Variants in IL1RAPL2 observed in about 807,000 individuals in gnomAD.
IL1RAPL2 encodes interleukin 1 receptor accessory protein like 2.
A neutral mutation model predicts 44.1 loss-of-function variants in IL1RAPL2; 3 were observed. That is an observed-to-expected ratio of 0.07 (90% CI 0.03 to 0.18). The LOEUF is 0.18. Ranked by LOEUF, IL1RAPL2 falls within the 10% of genes least tolerant of loss-of-function variation. The probability of loss-of-function intolerance (pLI) is 1.00; values close to 1 mark genes in which losing one functional copy is unlikely to be tolerated. For missense variants in IL1RAPL2, 391 were observed against 496.4 expected (o/e 0.79, Z 2.02); for synonymous variants, 181 against 178.8 (o/e 1.01, Z -0.10).
At chrX:104,801,084 T>A (rs774336706) in intron 2 of IL1RAPL2, among the ~76,000 whole-genome samples, 1 of 112,569 alleles carries the variant, frequency 8.9e-6, no homozygotes, top group East Asian at 2.8e-4. Flanking sequence ...GATAGCAGAG[T>A]GTGTCTTCCT....
intron 2 of IL1RAPL2, among the ~76,000 whole-genome samples, chrX:104,946,960 T>C (rs1296975214): frequency 1.0e-5 from 1 of 96,346 alleles, no homozygotes; most frequent in Non-Finnish European, 2.1e-5. Flanking sequence ...CAAATGGTAT[T>C]TCTAGTTCTA....
intron 2 of IL1RAPL2, among the ~76,000 whole-genome samples, chrX:105,138,201 C>A (rs1315479240): frequency 9.0e-6 from 1 of 111,625 alleles, no homozygotes; most frequent in Non-Finnish European, 1.9e-5. Context: ...AGTATTAAGT[C>A]TCCCTTTGCA....
At chrX:105,408,475 G>C (rs1466233661) in intron 5 of IL1RAPL2, among the ~76,000 whole-genome samples, 1 of 110,262 alleles carries the variant, frequency 9.1e-6, no homozygotes, top group Non-Finnish European at 1.9e-5. Context: ...CATATCTTTA[G>C]TATTTACGTA....
At chrX:104,815,600 A>G (rs1921111086) in intron 2 of IL1RAPL2, among the ~76,000 whole-genome samples, 1 of 111,984 alleles carries the variant, frequency 8.9e-6, no homozygotes, top group South Asian at 3.7e-4. Context: ...AAATAATTTT[A>G]TGTTTTTTAA....
chrX:105,441,068 A>G (rs1040214679), intron 5 of IL1RAPL2, among the ~76,000 whole-genome samples: 7 of 111,733 alleles, frequency 6.3e-5, no homozygotes, highest in Admixed American at 3.8e-4. Context: ...TATTAGCGGC[A>G]TGAGAACAGA....
intron 2 of IL1RAPL2, among the ~76,000 whole-genome samples, chrX:104,963,874 A>G (rs1366846678): frequency 9.0e-6 from 1 of 110,763 alleles, no homozygotes; most frequent in Non-Finnish European, 1.9e-5. Flanking sequence ...GCAAGTACAT[A>G]GGATTCATTT....
intron 2 of IL1RAPL2, among the ~76,000 whole-genome samples, chrX:105,041,934 T>C (rs752647283): frequency 3.6e-5 from 4 of 110,663 alleles, no homozygotes; most frequent in Admixed American, 1.9e-4. Context: ...ATATCTACAA[T>C]TATCTGATCT....
intron 2 of IL1RAPL2, among the ~76,000 whole-genome samples, chrX:104,730,367 T>TC (rs199795627): frequency 0.11 from 6,863 of 63,313 alleles, 384 homozygotes; most frequent in East Asian, 0.14. Flanking sequence ...ATGCTATCCC[T>TC]CCCCTCCCCC....
chrX:104,678,952 T>A (rs1179111042), intron 2 of IL1RAPL2, among the ~76,000 whole-genome samples: 1 of 111,447 alleles, frequency 9.0e-6, no homozygotes, highest in Non-Finnish European at 1.9e-5. Flanking sequence ...TGCACATGTA[T>A]GTCAGAACTT....
At chrX:104,677,592 AG>A (rs1413296462) in intron 2 of IL1RAPL2, among the ~76,000 whole-genome samples, 1 of 112,601 alleles carries the variant, frequency 8.9e-6, no homozygotes, top group East Asian at 2.8e-4. Context: ...CTACAGAGGC[AG>A]GCAGGCCTCC....
intron 2 of IL1RAPL2, among the ~76,000 whole-genome samples, chrX:104,798,686 A>T (rs1381879983): frequency 1.8e-5 from 2 of 109,817 alleles, no homozygotes; most frequent in African/African-American, 6.6e-5. Flanking sequence ...TTACAAGCTC[A>T]TTTTTTTGCC....
intron 1 of IL1RAPL2, among the ~76,000 whole-genome samples, chrX:104,599,010 A>T (rs1253575212): frequency 8.9e-6 from 1 of 112,359 alleles, no homozygotes; most frequent in East Asian, 2.8e-4. Flanking sequence ...ACCAGGCAGA[A>T]GTCATTTGTA....
At chrX:104,972,985 C>T (rs1387405593) in intron 2 of IL1RAPL2, among the ~76,000 whole-genome samples, 4 of 111,912 alleles carry the variant, frequency 3.6e-5, no homozygotes, top group Admixed American at 2.8e-4. Context: ...TAGTTGTACT[C>T]AAGTAGTTAT....
At chrX:105,337,869 A>C in intron 5 of IL1RAPL2, among the ~76,000 whole-genome samples, 1 of 102,812 alleles carries the variant, frequency 9.7e-6, no homozygotes, top group African/African-American at 4.4e-5. Context: ...CCAGACTGGG[A>C]GAGAGAGTGA....
intron 2 of IL1RAPL2, among the ~76,000 whole-genome samples, chrX:104,797,931 G>A (rs1014834496): frequency 8.9e-6 from 1 of 111,851 alleles, no homozygotes; most frequent in Non-Finnish European, 1.9e-5. Context: ...TGTGCTAAGC[G>A]CTTTCTCTTG....
At chrX:105,406,197 T>C in intron 5 of IL1RAPL2, 2 of 1,151,993 alleles carry the variant, frequency 1.7e-6, no homozygotes, top group South Asian at 1.8e-5. Context: ...AGGAGCACTT[T>C]AGTGAATAAA....
At chrX:105,282,810 G>T (rs1231321414) in intron 5 of IL1RAPL2, among the ~76,000 whole-genome samples, 1 of 111,460 alleles carries the variant, frequency 9.0e-6, no homozygotes, top group Non-Finnish European at 1.9e-5. Flanking sequence ...AATGTTGATG[G>T]TCAAGACATC....
At chrX:105,466,156 T>G (rs930590764) in intron 5 of IL1RAPL2, among the ~76,000 whole-genome samples, 7 of 110,981 alleles carry the variant, frequency 6.3e-5, no homozygotes, top group African/African-American at 2.3e-4. Flanking sequence ...TTCCATGGTA[T>G]GGTTTATAGG....
intron 2 of IL1RAPL2, among the ~76,000 whole-genome samples, chrX:104,687,034 C>T (rs1446894448): frequency 1.8e-5 from 2 of 111,614 alleles, no homozygotes; most frequent in Admixed American, 9.5e-5. Context: ...ATTCTATGGT[C>T]AAAAAAAGCT....
Sources: allele counts gnomAD v4.1 joint callset (sites outside exome capture counted in the v4.1 genomes callset), GRCh38; gene constraint gnomAD v4.1.1; transcripts MANE v1.5; gene names NCBI Gene and HGNC (gene_info 2026-07-23, HGNC 2026-07-21).